GTPBP3: variants seen among roughly 807,000 people sequenced by gnomAD.
GTPBP3 encodes GTP binding protein 3, mitochondrial.
A neutral mutation model predicts 42.0 loss-of-function variants in GTPBP3; 35 were observed. The observed-to-expected ratio is 0.83, with a 90% CI of 0.64 to 1.10. The LOEUF (loss-of-function observed/expected upper bound fraction) is 1.10. GTPBP3 is among the 50% of genes least tolerant of loss of function. The pLI is 0.00. For missense variants in GTPBP3, 691 were observed against 685.2 expected, an observed-to-expected ratio of 1.01 and a Z score of -0.09; for synonymous variants, 332 against 314.9, an observed-to-expected ratio of 1.05 and a Z score of -0.58.
upstream of GTPBP3, among the ~76,000 whole-genome samples, chr19:17,335,881 T>G (rs2145696262): frequency 6.6e-6 from 1 of 151,986 alleles, no homozygotes; most frequent in South Asian, 2.1e-4. Context: ...ATGTAACAAC[T>G]AGAGAATGGC....
At chr19:17,337,341 G>C (rs1032684928), upstream of GTPBP3, 1 of 423,434 alleles carries the variant, frequency 2.4e-6, no homozygotes, top group Non-Finnish European at 3.9e-6. Context: ...GCCTCGCTGC[G>C]CTAGGACCCT....
In GTPBP3 at chr19:17,341,247, A is replaced by T; in HGVS notation, c.1178A>T (p.His393Leu). ...GGTCCCGGTCCTGACCTGCCCCCGCACCTGCTGCTGTCCTGTCTGACGGGA... is the reference window on the plus strand; with the variant it reads ...GGTCCCGGTCCTGACCTGCCCCCGCTCCTGCTGCTGTCCTGTCTGACGGGA... ...GPGPGPDLPP[H>L]LLLSCLTGEG... is the part of the protein sequence containing the mutation. The change falls in exon 8 of 9, where the codon CAC becomes CTC. Residue 393 changes from histidine (H) to leucine (L), a missense_variant. Transcript: ENST00000324894. The T allele has an allele frequency of 6.2e-7, 1 of 1,606,712 alleles. No homozygotes were observed. The highest frequency in any genetic ancestry group is 8.5e-7 in the Non-Finnish European group (1 of 1,179,938).
At position 17,341,586 on chromosome 19, in the gene GTPBP3, G is replaced by A; in HGVS notation, c.1362G>A (p.Leu454=). 6.2e-7 allele frequency: 1 copy of A among 1,613,944 alleles called. No homozygotes were observed. Among genetic ancestry groups the A allele is most frequent in the Non-Finnish European group, 8.5e-7 (1 of 1,179,980 alleles). Residue 454 remains leucine (L), a synonymous_variant, in exon 9 of 9, where the codon CTG becomes CTA. Coordinates refer to ENST00000324894, the MANE Select transcript of GTPBP3 (RefSeq NM_032620.4). The part of the protein sequence containing the change: ...ALGHYKQSKD[L]ALAAEALRVA... The stretch of plus-strand genomic sequence containing the variant: ...GCCACTACAAGCAGTCAAAAGACCT[G>A]GCCCTGGCGGCAGAGGCGCTGCGGG...
chr19:17,338,264 C>T lies in GTPBP3; in HGVS notation c.301+9C>T. On this transcript the variant is annotated intron_variant, in intron 2 of 8. Coordinates refer to ENST00000324894, the MANE Select transcript of GTPBP3 (RefSeq NM_032620.4). ...GGTGCTCTGGTTCCCAGGTGAGGGT[C>T]CCCAGGTTCCGAGCCTCCTGTAGGT... The T allele has an allele frequency of 6.3e-7, 1 of 1,594,434 alleles. No individual in the cohort carries two copies. The highest frequency in any genetic ancestry group is 8.5e-7 in the Non-Finnish European group (1 of 1,173,046).
At position 17,341,257 on chromosome 19, in the gene GTPBP3, G is replaced by C. The variant is rs1036879572; in HGVS notation, c.1188G>C (p.Leu396=). The C allele has an allele frequency of 6.2e-7, 1 of 1,606,444 alleles. No homozygotes were observed. The change falls in exon 8 of 9, where the codon CTG becomes CTC. Residue 396 remains leucine (L), a synonymous_variant. Transcript: ENST00000324894. ...PGPDLPPHLL[L]SCLTGEGLDG... is the part of the protein sequence containing the mutation. ...CTGACCTGCCCCCGCACCTGCTGCT[G>C]TCCTGTCTGACGGGAGAGGGGCTGG... is the stretch of plus-strand genomic sequence containing the variant.
chr19:17,338,793 C>T lies in GTPBP3; in HGVS notation c.591+52C>T, dbSNP rs75211789. 0.097 allele frequency: 151,874 copies of T among 1,558,686 alleles called. 8,037 individuals carry two copies. Among genetic ancestry groups the T allele is most frequent in the Non-Finnish European group, 0.11 (126,599 of 1,147,896 alleles). On this transcript the variant is annotated intron_variant, in intron 4 of 8. Coordinates refer to ENST00000324894, the MANE Select transcript of GTPBP3 (RefSeq NM_032620.4). ...CCCTCAGAGACCCCATCTGTGCAAC[C>T]CCTGCATGAGACCCCCTCTCAATCC...
chr19:17,341,020 G>A (rs368566426), intron 7 of GTPBP3, 24 bp from the exon 8 acceptor site: 10 of 1,603,602 alleles, frequency 6.2e-6, no homozygotes, highest in Admixed American at 3.4e-5. Context: ...TGGGATCCCC[G>A]CTCAGTTGAC....
At position 17,341,181 on chromosome 19, in the gene GTPBP3, T is replaced by A; in HGVS notation, c.1112T>A (p.Leu371Gln). Residue 371 changes from leucine (L) to glutamine (Q), a missense_variant, in exon 8 of 9, where the codon CTG (leucine) becomes CAG (glutamine). Leu to Gln is a moderately radical substitution (Grantham distance 113). Coordinates refer to ENST00000324894, the MANE Select transcript of GTPBP3 (RefSeq NM_032620.4). The part of the protein sequence containing the change: ...SPSDSSQRLL[L>Q]VLNKSDLLSP... ...AGTGACAGCAGCCAGCGCCTCCTCC[T>A]GGTGCTGAACAAGTCGGACCTGCTG... 6.2e-7 allele frequency: 1 copy of A among 1,612,402 alleles called. No individual in the cohort carries two copies. The highest frequency in any genetic ancestry group is 8.5e-7 in the Non-Finnish European group (1 of 1,179,986).
intron 4 of GTPBP3, 37 bp downstream of exon 4, chr19:17,338,778 C>T (rs1451033139): frequency 1.0e-5 from 16 of 1,579,482 alleles, no homozygotes; most frequent in Non-Finnish European, 1.2e-5. Context: ...CCCTCAGAGA[C>T]CCCATCTGTG....
In GTPBP3 at chr19:17,338,414, A is replaced by T. The variant is rs923024478; in HGVS notation, c.351A>T (p.Gly117=). The change falls in exon 3 of 9, where the codon GGA becomes GGT. Residue 117 remains glycine, a synonymous_variant. Coordinates refer to ENST00000324894, the MANE Select transcript of GTPBP3 (RefSeq NM_032620.4). Reference sequence around the variant, plus strand: ...ACTGCGTGGAGTTCCACGTGCATGGAGGCCCGGCAGTGGTGAGCGGCGTCC... The same window carrying T: ...ACTGCGTGGAGTTCCACGTGCATGGTGGCCCGGCAGTGGTGAGCGGCGTCC... ...GEDCVEFHVH[G]GPAVVSGVLQ... 1.2e-6 allele frequency: 2 copies of T among 1,614,024 alleles called. No homozygotes were observed. The highest frequency in any genetic ancestry group is 3.3e-5 in the Admixed American group (2 of 60,006).
At chr19:17,339,729 G>A in intron 7 of GTPBP3, 130 bp downstream of exon 7, 1 of 899,780 alleles carries the variant, frequency 1.1e-6, no homozygotes, top group Non-Finnish European at 1.6e-6. Context: ...GGATCTCAGG[G>A]ATTTGGTTCT....
At chr19:17,335,050 C>G (rs895063663), upstream of GTPBP3, 1 of 1,535,992 alleles carries the variant, frequency 6.5e-7, no homozygotes, top group African/African-American at 1.4e-5. Context: ...CTTCTGGTCC[C>G]CGCCTCGGAG....
chr19:17,338,018 C>T lies in GTPBP3; in HGVS notation c.64C>T (p.Arg22Cys). 6.3e-7 allele frequency: 1 copy of T among 1,597,798 alleles called. No individual in the cohort carries two copies. The highest frequency in any genetic ancestry group is 8.5e-7 in the Non-Finnish European group (1 of 1,179,480). ...AARGPRRLCT[R>C]RSSGAPAPGS... ...CCCCTCCGGTTCCAGATTGTGCACGCGCCGGAGCAGCGGCGCACCAGCCCC... is the reference window on the plus strand; with the variant it reads ...CCCCTCCGGTTCCAGATTGTGCACGTGCCGGAGCAGCGGCGCACCAGCCCC... Residue 22 changes from arginine (R) to cysteine (C), a missense_variant, in exon 2 of 9, where the codon CGC (arginine) becomes TGC (cysteine). Coordinates refer to ENST00000324894, the MANE Select transcript of GTPBP3 (RefSeq NM_032620.4).
Position 17,341,096 on chromosome 19 carries a change from T to A in GTPBP3, c.1027T>A (p.Ser343Thr). 10 of 1,613,886 alleles carry A rather than the reference T, an allele frequency of 6.2e-6. No homozygotes were observed. The highest frequency in any genetic ancestry group is 8.5e-6 in the Non-Finnish European group (10 of 1,180,026). The change falls in exon 8 of 9, where the codon TCT becomes ACT. Residue 343 changes from serine to threonine, a missense_variant. Coordinates refer to ENST00000324894, the MANE Select transcript of GTPBP3 (RefSeq NM_032620.4). The stretch of plus-strand genomic sequence containing the variant: ...CATGCTGGATGCTTCTGACCTGGCC[T>A]CTCCCTCCAGTTGCAACTTCCTGGC... ...LAMLDASDLA[S>T]PSSCNFLATV...
Position 17,337,606 on chromosome 19 carries a change from A to C in GTPBP3, c.-6A>C, listed in dbSNP as rs2074378931. On this transcript the variant is annotated 5_prime_UTR_variant, in exon 1 of 9. Transcript: ENST00000324894. ...GTCGGGCAGGCGGGTCGCAGGTTGT[A>C]AATCCATGTGGCGGGGGCTTTGGAC... The C allele has an allele frequency of 7.6e-7, 1 of 1,321,734 alleles. No homozygotes were observed. The highest frequency in any genetic ancestry group is 1.5e-5 in the African/African-American group (1 of 64,962). The allele number at this position is 1,321,734 out of a possible 1,614,324, so 81.9% of individuals were successfully genotyped here.
rs1265680021 is a variant in GTPBP3, at chr19:17,342,061, T to G, written c.*358T>G. 2 of 183,648 alleles carry G rather than the reference T, an allele frequency of 1.1e-5. No individual in the cohort carries two copies. The highest frequency in any genetic ancestry group is 2.2e-5 in the Non-Finnish European group (2 of 89,822). The allele number at this position is 183,648 out of a possible 1,614,324, so 11.4% of individuals were successfully genotyped here. ...GAAGTGTTTATTTTCTTCCCTTCCC[T>G]TCCCTTCCCTTTCCTTTTCCCTTTC... On this transcript the variant is annotated 3_prime_UTR_variant, in exon 9 of 9. Coordinates refer to ENST00000324894, the MANE Select transcript of GTPBP3 (RefSeq NM_032620.4).
Position 17,339,461 on chromosome 19 carries a change from C to A in GTPBP3, c.836C>A (p.Pro279Gln). 2.5e-6 allele frequency: 4 copies of A among 1,613,934 alleles called. No homozygotes were observed. Among genetic ancestry groups the A allele is most frequent in the Non-Finnish European group, 3.4e-6 (4 of 1,179,972 alleles). ...LSRKPVSIVS[P>Q]EPGTTRDVLE... ...CGGAAGCCTGTGTCCATCGTGTCCC[C>A]GGAGCCAGGGACCACCCGTGACGTG... The change falls in exon 7 of 9, where the codon CCG (proline) becomes CAG (glutamine). Residue 279 changes from proline to glutamine, a missense_variant. Physicochemically the swap from Pro to Gln is moderately conservative, Grantham distance 76. Transcript: ENST00000324894.
rs986834818 is a variant in GTPBP3, at chr19:17,341,496, A to C, written c.1272A>C (p.Thr424=). 2 of 1,611,916 alleles carry C rather than the reference A, an allele frequency of 1.2e-6. No individual in the cohort carries two copies. Among genetic ancestry groups the C allele is most frequent in the African/African-American group, 2.7e-5 (2 of 74,898 alleles). ...CTTCCAGGTGTGGGGACCCGTCCAC[A>C]GATCCCCCGCTGCTGACCCGAGCAA... ...ELAAVCGDPS[T]DPPLLTRARH... The change falls in exon 9 of 9, where the codon ACA becomes ACC. Residue 424 remains threonine, a synonymous_variant. Coordinates refer to ENST00000324894, the MANE Select transcript of GTPBP3 (RefSeq NM_032620.4).
At chr19:17,339,676 C>A in intron 7 of GTPBP3, 77 bp downstream of exon 7, 1 of 1,403,898 alleles carries the variant, frequency 7.1e-7, no homozygotes, top group Non-Finnish European at 9.5e-7. Context: ...GTTTATTTTT[C>A]ATTCTTCCTG....
Sources: allele counts gnomAD v4.1 joint callset (sites outside exome capture counted in the v4.1 genomes callset), GRCh38; gene constraint gnomAD v4.1.1; transcripts MANE v1.5; gene names NCBI Gene and HGNC (gene_info 2026-07-23, HGNC 2026-07-21).